Variants in PDE1A observed in about 807,000 individuals in gnomAD.
The protein encoded by PDE1A is dual specificity calcium/calmodulin-dependent 3',5'-cyclic nucleotide phosphodiesterase 1A.
Under a neutral mutation model 61.7 loss-of-function variants are expected in PDE1A, and 35 were observed. The ratio of observed to expected loss-of-function variants is 0.57; its 90% confidence interval spans 0.43 to 0.75. The LOEUF (loss-of-function observed/expected upper bound fraction) is 0.75. Ranked by LOEUF, PDE1A falls within the 30% of genes least tolerant of loss-of-function variation. The pLI is 0.00. For synonymous variants in PDE1A, 232 were observed against 213.2 expected (o/e 1.09, Z -0.77); for missense variants, 597 against 630.6 (o/e 0.95, Z 0.57).
intron 1 of PDE1A, among the ~76,000 whole-genome samples, chr2:182,420,590 T>C (rs1703216177): frequency 6.6e-6 from 1 of 152,176 alleles, no homozygotes. Context: ...AAGCAGCTGG[T>C]TAATACATAT....
At chr2:182,634,350 T>A in the PDE1A span, among the ~76,000 whole-genome samples, 1 of 151,902 alleles carries the variant, frequency 6.6e-6, no homozygotes, top group Admixed American at 6.6e-5. Context: ...TAATGCAGTC[T>A]AGTGTTTCCA....
At chr2:182,711,407 T>C in the PDE1A span, among the ~76,000 whole-genome samples, 3 of 151,984 alleles carry the variant, frequency 2.0e-5, no homozygotes, top group South Asian at 2.1e-4. Flanking sequence ...TGATATTACA[T>C]TGCAATTGGA....
chr2:182,349,171 T>C (rs912968989), intron 1 of PDE1A, among the ~76,000 whole-genome samples: 18 of 152,176 alleles, frequency 1.2e-4, no homozygotes, highest in African/African-American at 4.1e-4. Context: ...GGAGAAGTAT[T>C]TCAATATACT....
the PDE1A span, among the ~76,000 whole-genome samples, chr2:182,671,624 T>TC: frequency 3.5e-5 from 5 of 144,758 alleles, no homozygotes; most frequent in African/African-American, 5.1e-5. Flanking sequence ...TCTTTTTCTT[T>TC]TTTTTTTTTT....
At chr2:182,179,674 C>A (rs1312005578) in intron 13 of PDE1A, among the ~76,000 whole-genome samples, 1 of 152,028 alleles carries the variant, frequency 6.6e-6, no homozygotes, top group Non-Finnish European at 1.5e-5. Context: ...TTTCTCTACC[C>A]CCTCCTCTCT....
intron 13 of PDE1A, 37 bp downstream of exon 13, chr2:182,185,853 CAG>C (rs1395250856): frequency 1.2e-6 from 2 of 1,612,272 alleles, no homozygotes; most frequent in Admixed American, 1.7e-5. Context: ...GAAGTGAAGA[CAG>C]AGAGAGATGG....
At chr2:182,337,441 T>C (rs991213650) in intron 1 of PDE1A, among the ~76,000 whole-genome samples, 5 of 152,194 alleles carry the variant, frequency 3.3e-5, no homozygotes, top group Non-Finnish European at 5.9e-5. Flanking sequence ...ATGTAAATAA[T>C]TGTCATTTTC....
At chr2:182,383,524 G>A (rs114631394) in intron 1 of PDE1A, among the ~76,000 whole-genome samples, 2,461 of 152,208 alleles carry the variant, frequency 0.016, 65 homozygotes, top group African/African-American at 0.056. Flanking sequence ...AATACAAGGC[G>A]AAGGAAAAGT....
At chr2:182,393,474 CT>C (rs1457361760) in intron 1 of PDE1A, among the ~76,000 whole-genome samples, 2 of 152,150 alleles carry the variant, frequency 1.3e-5, no homozygotes, top group Non-Finnish European at 2.9e-5. Context: ...TCCCCACTGC[CT>C]TGGTGATTAA....
the PDE1A span, among the ~76,000 whole-genome samples, chr2:182,579,974 T>C: frequency 6.6e-6 from 1 of 152,232 alleles, no homozygotes; most frequent in African/African-American, 2.4e-5. Context: ...TGTGACTTCA[T>C]TAAATGCAGA....
the PDE1A span, among the ~76,000 whole-genome samples, chr2:182,543,593 G>C: frequency 5.3e-5 from 8 of 150,384 alleles, no homozygotes; most frequent in African/African-American, 2.0e-4. Context: ...ATTTTATTTT[G>C]AACATTAAAA....
chr2:182,694,248 T>C, the PDE1A span, among the ~76,000 whole-genome samples: 704 of 152,340 alleles, frequency 4.6e-3, 1 homozygote, highest in Non-Finnish European at 7.5e-3. Flanking sequence ...TCCCACTAAA[T>C]TGTTTTGGCT....
chr2:182,233,292 C>T (rs1230542916), intron 4 of PDE1A, among the ~76,000 whole-genome samples: 1 of 152,068 alleles, frequency 6.6e-6, no homozygotes, highest in East Asian at 1.9e-4. Context: ...TTTCTACAGA[C>T]TGAGTTGGGG....
intron 2 of PDE1A, among the ~76,000 whole-genome samples, chr2:182,518,196 G>A (rs972171450): frequency 1.3e-5 from 2 of 152,110 alleles, no homozygotes; most frequent in Admixed American, 6.6e-5. Flanking sequence ...TTGGGAATAT[G>A]ATGCTAATAG....
intron 1 of PDE1A, among the ~76,000 whole-genome samples, chr2:182,386,917 C>T (rs6718531): frequency 0.021 from 3,196 of 152,308 alleles, 115 homozygotes; most frequent in African/African-American, 0.073. Flanking sequence ...GTCTGGGAGG[C>T]GCACCCAACA....
At chr2:182,508,976 A>T in intron 2 of PDE1A, among the ~76,000 whole-genome samples, 2 of 140,764 alleles carry the variant, frequency 1.4e-5, no homozygotes, top group African/African-American at 2.5e-5. Flanking sequence ...CCAGCCCACA[A>T]CAGTCCCCAG....
chr2:182,667,200 C>A, the PDE1A span, among the ~76,000 whole-genome samples: 1 of 152,202 alleles, frequency 6.6e-6, no homozygotes, highest in East Asian at 1.9e-4. Context: ...TAGTAGGCTG[C>A]TCATCATTTT....
chr2:182,702,363 A>C, the PDE1A span, among the ~76,000 whole-genome samples: 3 of 152,294 alleles, frequency 2.0e-5, no homozygotes, highest in South Asian at 6.2e-4. Flanking sequence ...TCGGCCTCCC[A>C]AAGTGCTGGG....
chr2:182,442,307 T>G (rs1684846753), intron 2 of PDE1A, among the ~76,000 whole-genome samples: 1 of 151,718 alleles, frequency 6.6e-6, no homozygotes, highest in Admixed American at 6.6e-5. Context: ...AATGTCAAGG[T>G]CAAAAAACAC....
Sources: allele counts gnomAD v4.1 joint callset (sites outside exome capture counted in the v4.1 genomes callset), GRCh38; gene constraint gnomAD v4.1.1; transcripts MANE v1.5; gene names NCBI Gene and HGNC (gene_info 2026-07-23, HGNC 2026-07-21).